The following BANK1 variants were observed in gnomAD, a reference collection of about 807,000 sequenced individuals.
BANK1 encodes B-cell scaffold protein with ankyrin repeats.
BANK1 carries 95 observed loss-of-function variants against 94.5 expected under a neutral mutation model. The ratio of observed to expected loss-of-function variants is 1.00; its 90% confidence interval spans 0.85 to 1.19. BANK1 has a LOEUF of 1.19. Ranked by LOEUF, BANK1 falls within the 50% of genes most tolerant of loss-of-function variation. BANK1 has a pLI of 0.00. For missense variants in BANK1, 987 were observed against 932.2 expected (o/e 1.06, Z -0.77); for synonymous variants, 334 against 308.4 (o/e 1.08, Z -0.87).
intron 7 of BANK1, among the ~76,000 whole-genome samples, chr4:102,004,771 T>C (rs1333294666): frequency 6.6e-6 from 1 of 152,170 alleles, no homozygotes; most frequent in African/African-American, 2.4e-5. Context: ...GAAAATACCT[T>C]GTGTGGCTTT....
rs2148863244 is a variant in BANK1, at chr4:101,829,893, G to A, written c.156G>A (p.Val52=). 2 of 1,613,542 alleles carry A rather than the reference G, an allele frequency of 1.2e-6. No homozygotes were observed. The highest frequency in any genetic ancestry group is 1.7e-6 in the Non-Finnish European group (2 of 1,179,650). ...TGACAGAAGTATTTTTACATGTTGTGAAAAGGGAAGCCATCCTGTTATATC... is the reference window on the plus strand; with the variant it reads ...TGACAGAAGTATTTTTACATGTTGTAAAAAGGGAAGCCATCCTGTTATATC... ...LYLTEVFLHV[V]KREAILLYRL... The change falls in exon 2 of 17, where the codon GTG becomes GTA. Residue 52 remains valine, a synonymous_variant. Transcript: ENST00000322953.
intron 7 of BANK1, among the ~76,000 whole-genome samples, chr4:101,997,558 T>C (rs1295289601): frequency 6.6e-6 from 1 of 152,186 alleles, no homozygotes; most frequent in Non-Finnish European, 1.5e-5. Context: ...ACTAGGCTTT[T>C]TTTTTATTGT....
At chr4:101,829,530 A>G (rs1334139326) in intron 1 of BANK1, among the ~76,000 whole-genome samples, 2 of 151,320 alleles carry the variant, frequency 1.3e-5, no homozygotes, top group Admixed American at 1.3e-4. Flanking sequence ...TTCTTTTTCT[A>G]ATTTATTTAT....
intron 10 of BANK1, among the ~76,000 whole-genome samples, chr4:102,038,858 T>C (rs1262396811): frequency 6.6e-6 from 1 of 152,188 alleles, no homozygotes; most frequent in East Asian, 1.9e-4. Context: ...CTTTAGGAGA[T>C]GCTTTCAATG....
At chr4:101,873,232 A>G (rs1728363450) in intron 5 of BANK1, among the ~76,000 whole-genome samples, 1 of 152,174 alleles carries the variant, frequency 6.6e-6, no homozygotes, top group Non-Finnish European at 1.5e-5. Context: ...GTCAGAATAT[A>G]TGCCAGAAGA....
At chr4:101,886,030 G>A (rs1728842203) in intron 5 of BANK1, among the ~76,000 whole-genome samples, 1 of 152,146 alleles carries the variant, frequency 6.6e-6, no homozygotes, top group South Asian at 2.1e-4. Context: ...TGCATCCATA[G>A]GCAGCTCTGT....
chr4:101,963,984 A>AT (rs1288860153), intron 7 of BANK1, among the ~76,000 whole-genome samples: 3 of 152,204 alleles, frequency 2.0e-5, no homozygotes, highest in Admixed American at 2.0e-4. Flanking sequence ...CTCCAATAGC[A>AT]TTTTTTTGTG....
At chr4:101,859,431 A>G (rs1727791491) in intron 3 of BANK1, among the ~76,000 whole-genome samples, 2 of 152,192 alleles carry the variant, frequency 1.3e-5, no homozygotes, top group Admixed American at 1.3e-4. Context: ...TTAGGTCTCA[A>G]GGCTTATGAC....
intron 7 of BANK1, among the ~76,000 whole-genome samples, chr4:101,988,364 G>A (rs1213270093): frequency 1.3e-5 from 2 of 152,106 alleles, no homozygotes; most frequent in South Asian, 4.2e-4. Context: ...TCGCTTGTAG[G>A]GATGCTCCCT....
chr4:101,908,835 T>G (rs1030154025), intron 6 of BANK1, among the ~76,000 whole-genome samples: 3 of 152,098 alleles, frequency 2.0e-5, no homozygotes, highest in Admixed American at 6.6e-5. Context: ...ATCAGAGAAA[T>G]TCAAATCAAA....
chr4:101,908,088 G>T (rs546063940), intron 6 of BANK1, among the ~76,000 whole-genome samples: 8 of 152,140 alleles, frequency 5.3e-5, no homozygotes, highest in Non-Finnish European at 1.0e-4. Flanking sequence ...AAAAGAGCCC[G>T]CATTGCCAAG....
rs1056898504 is a variant in BANK1 at position 101,933,328 on chromosome 4, A to T, written c.1206+15139A>T. ...AAGAAAGGAGAAAAAAAAAAAAAAA[A>T]GCTAAGCATGAGAGCATTCACTGGC... On this transcript the variant is annotated intron_variant, in intron 7 of 16. Transcript: ENST00000322953. Among the ~76,000 whole-genome samples, 12 of 150,952 alleles carry T rather than the reference A, an allele frequency of 7.9e-5. No homozygotes were observed. The East Asian group carries it at 2.2e-3, about 27-fold the overall frequency.
chr4:101,870,769 T>A, intron 5 of BANK1, 125 bp downstream of exon 5: 1 of 1,150,688 alleles, frequency 8.7e-7, no homozygotes, highest in Non-Finnish European at 1.2e-6. Flanking sequence ...TACCAATCAA[T>A]AGGAAGGGAA....
At chr4:102,059,573 T>G (rs1332398879) in intron 11 of BANK1, among the ~76,000 whole-genome samples, 1 of 152,204 alleles carries the variant, frequency 6.6e-6, no homozygotes, top group African/African-American at 2.4e-5. Context: ...ACCCATGGTC[T>G]GCCAGTTTGC....
chr4:102,037,779 A>G (rs1727560393), intron 10 of BANK1, among the ~76,000 whole-genome samples: 1 of 152,184 alleles, frequency 6.6e-6, no homozygotes, highest in African/African-American at 2.4e-5. Flanking sequence ...TGAGAACTAA[A>G]ACCATATATG....
chr4:102,043,787 G>A, intron 10 of BANK1, 52 bp from the exon 11 acceptor site: 1 of 1,244,564 alleles, frequency 8.0e-7, no homozygotes, highest in Non-Finnish European at 1.1e-6. Flanking sequence ...CTACAGTATG[G>A]ATTTTTTGAA....
rs1376262155 is a variant in BANK1 at position 102,032,003 on chromosome 4, G to A, written c.1900+1738G>A. 2.6e-5 allele frequency among the ~76,000 whole-genome samples: 4 copies of A among 152,112 alleles called. No homozygotes were observed. In the South Asian group the frequency reaches 8.3e-4, roughly 32 times the overall value. ...TTCAGCTGAAATAAAACATGAATTG[G>A]AACAGTTGTCTAGATTATAGATTAT... On this transcript the variant is annotated intron_variant, in intron 10 of 16. Transcript: ENST00000322953.
intron 7 of BANK1, among the ~76,000 whole-genome samples, chr4:101,924,826 T>A (rs1164818735): frequency 6.6e-6 from 1 of 151,800 alleles, no homozygotes; most frequent in Non-Finnish European, 1.5e-5. Context: ...TATTCATCAC[T>A]CAGGTTTTTT....
At chr4:102,010,128 G>A (rs772441321) in intron 7 of BANK1, among the ~76,000 whole-genome samples, 72 of 151,760 alleles carry the variant, frequency 4.7e-4, no homozygotes, top group South Asian at 1.5e-3. Flanking sequence ...AGCCAGGTGT[G>A]GTGGCGGGCG....
Sources: allele counts gnomAD v4.1 joint callset (sites outside exome capture counted in the v4.1 genomes callset), GRCh38; gene constraint gnomAD v4.1.1; transcripts MANE v1.5; gene names NCBI Gene and HGNC (gene_info 2026-07-23, HGNC 2026-07-21).